The following RNF19A variants were observed in gnomAD, a reference collection of about 807,000 sequenced individuals.
RNF19A encodes the protein ring finger protein 19A, RBR E3 ubiquitin protein ligase.
In RNF19A, 32 loss-of-function variants were observed where a neutral mutation model predicts 75.7. The ratio of observed to expected loss-of-function variants is 0.42; its 90% CI spans 0.32 to 0.57. The LOEUF (loss-of-function observed/expected upper bound fraction) is 0.57. Ranked by LOEUF, RNF19A falls within the 20% of genes least tolerant of loss-of-function variation. The pLI is 0.10. For missense variants in RNF19A, 782 were observed against 1,036.3 expected (o/e 0.75, Z 3.37); for synonymous variants, 335 against 345.2 (o/e 0.97, Z 0.33).
At chr8:100,292,954 T>C (rs975024545) in intron 1 of RNF19A, among the ~76,000 whole-genome samples, 1 of 152,170 alleles carries the variant, frequency 6.6e-6, no homozygotes, top group Non-Finnish European at 1.5e-5. Flanking sequence ...ACCAATTTCA[T>C]AGAAGACAAT....
chr8:100,330,636 G>A lies in RNF19A; in HGVS notation c.-243+5472C>T, dbSNP rs1488804116. On this transcript the variant is annotated intron_variant, in intron 1 of 3. Coordinates refer to the RNF19A transcript ENST00000519527. The surrounding 1 kb of genome is among the most constrained non-coding windows in gnomAD (Gnocchi z 4.1). The stretch of plus-strand genomic sequence containing the variant: ...GTTGGGGAGGGTGGAGAAAGAGAAC[G>A]AATATCCTGATGATATTGTTGAGTC... Among the ~76,000 whole-genome samples the A allele has an allele frequency of 6.6e-6, 1 of 152,210 alleles. No homozygotes were observed. The highest frequency in any genetic ancestry group is 1.5e-5 in the Non-Finnish European group (1 of 68,034).
In RNF19A at chr8:100,269,049, G is replaced by T; in HGVS notation, c.1029-102C>A. 1 of 852,000 alleles carries T rather than the reference G, an allele frequency of 1.2e-6. No individual in the cohort carries two copies. Among genetic ancestry groups the T allele is most frequent in the Non-Finnish European group, 1.7e-6 (1 of 598,590 alleles). The allele number at this position is 852,000 out of a possible 1,614,324, so 52.8% of individuals were successfully genotyped here. A position where few individuals can be genotyped will look rare whatever the true frequency, so the allele number is the denominator to read the frequency against. On this transcript the variant is annotated intron_variant, in intron 4 of 9. Coordinates refer to ENST00000341084, the MANE Select transcript of RNF19A (RefSeq NM_183419.4). This position sits in a 1 kb window ranked among gnomAD's most constrained non-coding sequence, Gnocchi z 5.7. ...TGACTATTTTTAAAAACTTCTCATA[G>T]TTAGGAGCTTTTTTCCCCTTTAAAT... is the stretch of plus-strand genomic sequence containing the variant.
chr8:100,298,943 C>A (rs1821697757), intron 1 of RNF19A, among the ~76,000 whole-genome samples: 1 of 152,086 alleles, frequency 6.6e-6, no homozygotes, highest in Admixed American at 6.5e-5. Flanking sequence ...ATCAAGTGCC[C>A]AGAGACATGT....
In RNF19A at chr8:100,261,966, A is replaced by G. The variant is rs188273958; in HGVS notation, c.1469-211T>C. Among the ~76,000 whole-genome samples the G allele has an allele frequency of 4.4e-4, 67 of 152,318 alleles. No homozygotes were observed. The highest frequency in any genetic ancestry group is 1.6e-3 in the African/African-American group (67 of 41,578). On this transcript the variant is annotated intron_variant, in intron 7 of 9. Transcript: ENST00000341084. This position sits in a 1 kb window ranked among gnomAD's most constrained non-coding sequence, Gnocchi z 4.4. ...CTAGTTTCTTTTTTCAAAAACCCAG[A>G]TTTAGGAATTCTATAAAGAATATGA...
intron 1 of RNF19A, among the ~76,000 whole-genome samples, chr8:100,315,395 G>A (rs980224515): frequency 6.6e-6 from 1 of 151,036 alleles, no homozygotes; most frequent in Non-Finnish European, 1.5e-5. Context: ...TGTTTCACTG[G>A]GGGGGAAAAA....
chr8:100,272,255 C>G (rs1820292539), intron 3 of RNF19A, among the ~76,000 whole-genome samples: 1 of 152,126 alleles, frequency 6.6e-6, no homozygotes, highest in African/African-American at 2.4e-5. Context: ...GGATGCAGTG[C>G]TGTCACAATT....
intron 2 of RNF19A, among the ~76,000 whole-genome samples, chr8:100,278,794 T>C (rs1267090219): frequency 6.6e-6 from 1 of 152,048 alleles, no homozygotes; most frequent in East Asian, 1.9e-4. Flanking sequence ...ATGAATTAAG[T>C]TTTAAAAAAA....
upstream of RNF19A, chr8:100,310,104 C>T: frequency 1.0e-6 from 1 of 985,600 alleles, no homozygotes; most frequent in Non-Finnish European, 1.2e-6. Context: ...ACTACCACCT[C>T]CCCCTCCCGC....
chr8:100,258,080 T>C lies in RNF19A; in HGVS notation c.*476A>G, dbSNP rs955725296. ...AGAAAAAAAATGAAATTTATGCCGA[T>C]ATAAATAGAAATGTTACAGAGTATC... On this transcript the variant is annotated 3_prime_UTR_variant, in exon 10 of 10. Coordinates refer to ENST00000341084, the MANE Select transcript of RNF19A (RefSeq NM_183419.4). The surrounding 1 kb of genome is among the most constrained non-coding windows in gnomAD (Gnocchi z 4.3). 7.5e-5 allele frequency: 30 copies of C among 398,788 alleles called. No individual in the cohort carries two copies. The highest frequency in any genetic ancestry group is 1.3e-4 in the South Asian group (1 of 7,864). The allele number at this position is 398,788 out of a possible 1,614,324, so 24.7% of individuals were successfully genotyped here. A position where few individuals can be genotyped will look rare whatever the true frequency, so the allele number is the denominator to read the frequency against.
Position 100,264,914 on chromosome 8 carries a change from G to C in RNF19A, c.1192-129C>G, listed in dbSNP as rs1322266984. On this transcript the variant is annotated intron_variant, in intron 5 of 9. Transcript: ENST00000341084. This position sits in a 1 kb window ranked among gnomAD's most constrained non-coding sequence, Gnocchi z 4.7. The stretch of plus-strand genomic sequence containing the variant: ...TTCGTAGCTGAGTATCTTAGTTCAA[G>C]GTAAACCTACTAGTGTCCTTAAACT... The C allele has an allele frequency of 6.1e-6, 4 of 658,406 alleles. No homozygotes were observed. The highest frequency in any genetic ancestry group is 2.8e-5 in the Admixed American group (1 of 35,946). 40.8% of individuals were successfully genotyped at this position (658,406 alleles called of 1,614,324 possible). A position where few individuals can be genotyped will look rare whatever the true frequency, so the allele number is the denominator to read the frequency against.
intron 3 of RNF19A, among the ~76,000 whole-genome samples, chr8:100,272,847 G>GC (rs138526860): frequency 0.32 from 48,968 of 151,666 alleles, 8,515 homozygotes; most frequent in East Asian, 0.41. Flanking sequence ...ACTGCGCCCA[G>GC]CCCTCACTGC....
rs547631774 is a variant in RNF19A, at chr8:100,274,995, G to T, written c.841C>A (p.Arg281Ser). 4 of 1,613,942 alleles carry T rather than the reference G, an allele frequency of 2.5e-6. No individual in the cohort carries two copies. Among genetic ancestry groups the T allele is most frequent in the Non-Finnish European group, 3.4e-6 (4 of 1,179,976 alleles). Residue 281 changes from arginine to serine, a missense_variant, in exon 3 of 10, where the codon CGT becomes AGT. Coordinates refer to ENST00000341084, the MANE Select transcript of RNF19A (RefSeq NM_183419.4). ...RAQSLRLRTI[R>S]SSSISYSQES... is the part of the protein sequence containing the mutation. ...TGACTATAACTAATGGATGAAGAAC[G>T]TATAGTTCTCAAACGTAAGCTCTGG...
chr8:100,302,292 T>C (rs377527930), intron 1 of RNF19A, among the ~76,000 whole-genome samples: 233 of 152,342 alleles, frequency 1.5e-3, no homozygotes, highest in African/African-American at 5.5e-3. Context: ...AAGATGACGA[T>C]GGCACATCAG....
chr8:100,276,052 T>A lies in RNF19A; in HGVS notation c.675-891A>T, dbSNP rs181158910. Among the ~76,000 whole-genome samples the A allele has an allele frequency of 5.3e-5, 8 of 152,340 alleles. No homozygotes were observed. The East Asian group carries it at 1.2e-3, about 22-fold the overall frequency. Reference sequence around the variant, plus strand: ...GGAATACCTTTCTCCGAGTTAATATTTCTGACACTTTAAAAACTTATGACT... The same window carrying A: ...GGAATACCTTTCTCCGAGTTAATATATCTGACACTTTAAAAACTTATGACT... On this transcript the variant is annotated intron_variant, in intron 2 of 9. Coordinates refer to ENST00000341084, the MANE Select transcript of RNF19A (RefSeq NM_183419.4).
Position 100,325,957 on chromosome 8 carries a change from G to T in RNF19A, c.-243+10151C>A, listed in dbSNP as rs1202637812. On this transcript the variant is annotated intron_variant, in intron 1 of 3. Coordinates refer to the RNF19A transcript ENST00000519527. The surrounding 1 kb of genome is among the most constrained non-coding windows in gnomAD (Gnocchi z 4.3). Reference sequence around the variant, plus strand: ...TGTCTGAACACTCACAGAATTCAGGGTATATATTTGAGTTGGACACTTATC... The same window carrying T: ...TGTCTGAACACTCACAGAATTCAGGTTATATATTTGAGTTGGACACTTATC... Among the ~76,000 whole-genome samples the T allele has an allele frequency of 6.6e-6, 1 of 152,122 alleles. No homozygotes were observed. Among genetic ancestry groups the T allele is most frequent in the African/African-American group, 2.4e-5 (1 of 41,414 alleles).
intron 3 of RNF19A, among the ~76,000 whole-genome samples, chr8:100,270,371 G>A (rs779075751): frequency 1.3e-5 from 2 of 152,032 alleles, no homozygotes; most frequent in East Asian, 1.9e-4. Flanking sequence ...GGTAGTTCCC[G>A]GTTCCAGAAC....
Position 100,258,441 on chromosome 8 carries a change from T to C in RNF19A, c.*115A>G, listed in dbSNP as rs1586583667. On this transcript the variant is annotated 3_prime_UTR_variant, in exon 10 of 10. Coordinates refer to ENST00000341084, the MANE Select transcript of RNF19A (RefSeq NM_183419.4). The surrounding 1 kb of genome is among the most constrained non-coding windows in gnomAD (Gnocchi z 4.3). ...GCTGAACACAGAAAATGTATCTGCA[T>C]TATGATAATGAAACCCGGCTTTTGC... is the stretch of plus-strand genomic sequence containing the variant. 1.3e-6 allele frequency: 1 copy of C among 791,830 alleles called. No homozygotes were observed. 49.1% of individuals were successfully genotyped at this position (791,830 alleles called of 1,614,324 possible).
intron 2 of RNF19A, among the ~76,000 whole-genome samples, chr8:100,277,430 G>T (rs1188950438): frequency 6.6e-6 from 1 of 152,092 alleles, no homozygotes; most frequent in African/African-American, 2.4e-5. Context: ...TCCTGCCTCA[G>T]ACTCCCGAGT....
intron 1 of RNF19A, among the ~76,000 whole-genome samples, chr8:100,315,088 T>A (rs1458934456): frequency 1.3e-5 from 2 of 152,006 alleles, no homozygotes; most frequent in Admixed American, 6.6e-5. Context: ...GGCAAGCAGA[T>A]GATTTGGGCC....
Sources: gnomAD v4.1 joint callset for allele counts (sites outside exome capture counted in the v4.1 genomes callset) on GRCh38, gnomAD v4.1.1 for gene constraint, Gnocchi (gnomAD v3.1) non-coding constraint, MANE v1.5 for transcripts, NCBI Gene and HGNC (gene_info 2026-07-23, HGNC 2026-07-21) for gene names.